The following COMMD10 variants were observed in gnomAD, a reference collection of about 807,000 sequenced individuals.
The protein encoded by COMMD10 is COMM domain-containing protein 10.
A neutral mutation model predicts 28.9 loss-of-function variants in COMMD10; 33 were observed. The observed-to-expected ratio is 1.14, with a 90% CI of 0.87 to 1.53. COMMD10 has a LOEUF of 1.53. Ranked by LOEUF, COMMD10 falls within the 40% of genes most tolerant of loss-of-function variation. The pLI, the probability that COMMD10 is intolerant of heterozygous loss-of-function variation, is 0.00. For missense variants in COMMD10, 310 were observed against 233.4 expected (o/e 1.33, Z -2.14); for synonymous variants, 110 against 81.7 (o/e 1.35, Z -1.87).
intron 5 of COMMD10, among the ~76,000 whole-genome samples, chr5:116,186,427 G>C (rs1273906713): frequency 6.6e-6 from 1 of 152,000 alleles, no homozygotes. Flanking sequence ...ATGAAATACA[G>C]TTAATATTCT....
At chr5:116,269,030 G>A (rs947246726) in intron 5 of COMMD10, among the ~76,000 whole-genome samples, 1 of 151,566 alleles carries the variant, frequency 6.6e-6, no homozygotes, top group Non-Finnish European at 1.5e-5. Flanking sequence ...ACACCAACAT[G>A]GCACGTGTAT....
chr5:116,201,767 C>T (rs11241376), intron 5 of COMMD10, among the ~76,000 whole-genome samples: 148,979 of 152,270 alleles, frequency 0.98, 72,961 homozygotes, highest in East Asian at 1. Context: ...CGTTGGGTTT[C>T]AAGTCTGTGA....
chr5:116,184,305 A>G (rs4608961), intron 5 of COMMD10, among the ~76,000 whole-genome samples: 46,760 of 120,222 alleles, frequency 0.39, 10,191 homozygotes, highest in African/African-American at 0.65. Context: ...TCTTAACTAT[A>G]TATCTGACCT....
intron 5 of COMMD10, among the ~76,000 whole-genome samples, chr5:116,171,164 A>G (rs1448878710): frequency 6.6e-6 from 1 of 152,208 alleles, no homozygotes; most frequent in Non-Finnish European, 1.5e-5. Context: ...AAAAATGGGC[A>G]AAGGATAGGA....
intron 2 of COMMD10, among the ~76,000 whole-genome samples, chr5:116,088,550 G>A (rs1047579401): frequency 1.3e-5 from 2 of 152,116 alleles, no homozygotes; most frequent in South Asian, 2.1e-4. Flanking sequence ...TTAACATTGC[G>A]TACAAGTCCC....
At chr5:116,118,570 AT>A (rs1014100850) in intron 4 of COMMD10, among the ~76,000 whole-genome samples, 10 of 152,090 alleles carry the variant, frequency 6.6e-5, no homozygotes, top group Admixed American at 4.6e-4. Context: ...TGCATTTTGT[AT>A]TTCCTAATAT....
At chr5:116,201,670 C>A (rs1175964212) in intron 5 of COMMD10, among the ~76,000 whole-genome samples, 2 of 152,028 alleles carry the variant, frequency 1.3e-5, no homozygotes, top group Admixed American at 6.6e-5. Flanking sequence ...AAGCTTCTTA[C>A]ATGCCAGACC....
intron 5 of COMMD10, among the ~76,000 whole-genome samples, chr5:116,163,874 G>A (rs1753004632): frequency 6.6e-6 from 1 of 152,066 alleles, no homozygotes; most frequent in Non-Finnish European, 1.5e-5. Flanking sequence ...TTCCATTTGT[G>A]TGAAATTTAT....
intron 5 of COMMD10, among the ~76,000 whole-genome samples, chr5:116,148,671 T>G (rs1752418244): frequency 6.6e-6 from 1 of 151,760 alleles, no homozygotes; most frequent in South Asian, 2.1e-4. Context: ...AATGGATTCT[T>G]AATATGACAC....
At chr5:116,259,117 C>T (rs191512941) in intron 5 of COMMD10, among the ~76,000 whole-genome samples, 1 of 141,962 alleles carries the variant, frequency 7.0e-6, no homozygotes, top group African/African-American at 2.7e-5. Flanking sequence ...GGCTGGGATG[C>T]AGTGATGCAA....
intron 5 of COMMD10, among the ~76,000 whole-genome samples, chr5:116,175,524 C>T (rs559714878): frequency 5.3e-5 from 8 of 152,274 alleles, no homozygotes; most frequent in African/African-American, 1.9e-4. Context: ...ATTGCTACTT[C>T]TGAGTGTATA....
intron 5 of COMMD10, among the ~76,000 whole-genome samples, chr5:116,273,189 A>T (rs1449797977): frequency 6.6e-6 from 1 of 151,942 alleles, no homozygotes; most frequent in African/African-American, 2.4e-5. Context: ...CTGTTCAGAC[A>T]TACTGTAAAA....
chr5:116,256,120 G>A (rs1479335666), intron 5 of COMMD10, among the ~76,000 whole-genome samples: 1 of 151,686 alleles, frequency 6.6e-6, no homozygotes, highest in East Asian at 1.9e-4. Context: ...TGATAAGTCT[G>A]TAATATTTTA....
At chr5:116,272,836 T>C (rs1385669740) in intron 5 of COMMD10, among the ~76,000 whole-genome samples, 1 of 151,754 alleles carries the variant, frequency 6.6e-6, no homozygotes, top group South Asian at 2.1e-4. Context: ...ATGTCTGTGG[T>C]GTTGGCTCTG....
At chr5:116,269,876 A>G (rs1424469168) in intron 5 of COMMD10, among the ~76,000 whole-genome samples, 1 of 151,786 alleles carries the variant, frequency 6.6e-6, no homozygotes, top group Non-Finnish European at 1.5e-5. Context: ...GAGAATTAAT[A>G]TATATTTTTT....
intron 5 of COMMD10, among the ~76,000 whole-genome samples, chr5:116,260,884 T>G (rs1009464368): frequency 1.3e-5 from 2 of 151,908 alleles, no homozygotes; most frequent in Admixed American, 6.6e-5. Flanking sequence ...GGAGTAAGTA[T>G]TGTGTCTTTG....
chr5:116,254,232 T>A lies in COMMD10; in HGVS notation c.511-37285T>A, dbSNP rs191452902. On this transcript the variant is annotated intron_variant, in intron 5 of 6. Transcript: ENST00000274458. Reference sequence around the variant, plus strand: ...GCTAGCGGTCTATCAATTTTGTTGATCCTTTCAAAAAACCAGTTCCTGGAT... The same window carrying A: ...GCTAGCGGTCTATCAATTTTGTTGAACCTTTCAAAAAACCAGTTCCTGGAT... Among the ~76,000 whole-genome samples the A allele has an allele frequency of 6.9e-3, 1,051 of 152,272 alleles. 16 individuals are homozygous for A. The highest frequency in any genetic ancestry group is 0.024 in the African/African-American group (1,008 of 41,564).
chr5:116,215,459 C>G (rs1238759196), intron 5 of COMMD10, among the ~76,000 whole-genome samples: 2 of 151,388 alleles, frequency 1.3e-5, no homozygotes, highest in Non-Finnish European at 2.9e-5. Context: ...GAGGCCAAGG[C>G]TGGTGGATCA....
chr5:116,270,358 C>A (rs1363228878), intron 5 of COMMD10, among the ~76,000 whole-genome samples: 8 of 151,694 alleles, frequency 5.3e-5, no homozygotes, highest in Admixed American at 4.6e-4. Flanking sequence ...TAGACTGGGA[C>A]CAGTTTATAG....
Sources: allele counts gnomAD v4.1 joint callset (sites outside exome capture counted in the v4.1 genomes callset), GRCh38; gene constraint gnomAD v4.1.1; transcripts MANE v1.5; gene names NCBI Gene and HGNC (gene_info 2026-07-23, HGNC 2026-07-21).